Variants in SDK1 observed in about 807,000 individuals in gnomAD.
The protein encoded by SDK1 is sidekick cell adhesion molecule 1, also known as protein sidekick-1.
Under a neutral mutation model 245.5 loss-of-function variants are expected in SDK1, and 157 were observed. The ratio of observed to expected loss-of-function variants is 0.64; its 90% CI spans 0.56 to 0.73. The LOEUF is 0.73. SDK1 is among the 30% of genes least tolerant of loss of function. SDK1 has a pLI of 0.00. For synonymous variants in SDK1, 1,647 were observed against 1,278.5 expected (o/e 1.29, Z -6.15); for missense variants, 3,583 against 3,002.3 (o/e 1.19, Z -4.52).
In SDK1 at chr7:3,619,509, A is replaced by T. The variant is rs1781869105; in HGVS notation, c.458+270A>T. 1.3e-5 allele frequency among the ~76,000 whole-genome samples: 2 copies of T among 152,260 alleles called. 1 individual carries two copies. The highest frequency in any genetic ancestry group is 4.8e-5 in the African/African-American group (2 of 41,476). On this transcript the variant is annotated intron_variant, in intron 2 of 44. Transcript: ENST00000404826. ...CAACAAAAACCTATGGTTACAGAGCAATGCCAATAACAGCTTTGGTATGAT... is the reference window on the plus strand; with the variant it reads ...CAACAAAAACCTATGGTTACAGAGCTATGCCAATAACAGCTTTGGTATGAT...
chr7:4,010,711 G>A (rs1266588251), intron 14 of SDK1, among the ~76,000 whole-genome samples: 2 of 152,134 alleles, frequency 1.3e-5, no homozygotes, highest in Admixed American at 6.5e-5. Context: ...TTAAACCGCC[G>A]TATGCAGGTT....
At chr7:3,762,899 C>T (rs908617871) in intron 4 of SDK1, among the ~76,000 whole-genome samples, 2 of 152,108 alleles carry the variant, frequency 1.3e-5, no homozygotes, top group African/African-American at 4.8e-5. Context: ...GGTTTTTAGT[C>T]TTATGCTGAT....
intron 32 of SDK1, among the ~76,000 whole-genome samples, chr7:4,164,991 A>T (rs552273771): frequency 1.3e-5 from 2 of 152,242 alleles, no homozygotes; most frequent in African/African-American, 2.4e-5. Flanking sequence ...AAAAGAAACT[A>T]GGTTTAAATA....
intron 40 of SDK1, among the ~76,000 whole-genome samples, chr7:4,228,719 T>C (rs2128234610): frequency 6.6e-6 from 1 of 152,332 alleles, no homozygotes; most frequent in Non-Finnish European, 1.5e-5. Flanking sequence ...TTTGTATTTT[T>C]AGTAGAGACG....
At position 4,067,856 on chromosome 7, in the gene SDK1, A is replaced by T; in HGVS notation, c.2930A>T (p.His977Leu). Reference protein sequence around the residue: ...TQEDKPGAVGHLSFTEILDTS... With the variant: ...TQEDKPGAVGLLSFTEILDTS... ...TTGGTAGAACCAGGAGCTGTGGGACATCTGAGTTTCACAGAGATCTTGGAC... is the reference window on the plus strand; with the variant it reads ...TTGGTAGAACCAGGAGCTGTGGGACTTCTGAGTTTCACAGAGATCTTGGAC... The change falls in exon 20 of 45, where the codon CAT becomes CTT. Residue 977 changes from histidine (H) to leucine (L), a missense_variant. Physicochemically the swap from His to Leu is moderately conservative, Grantham distance 99. Transcript: ENST00000404826. 1 of 1,613,064 alleles carries T rather than the reference A, an allele frequency of 6.2e-7. No individual in the cohort carries two copies. The highest frequency in any genetic ancestry group is 8.5e-7 in the Non-Finnish European group (1 of 1,179,632).
chr7:3,570,473 G>A (rs1780076124), intron 1 of SDK1, among the ~76,000 whole-genome samples: 1 of 152,124 alleles, frequency 6.6e-6, no homozygotes, highest in Non-Finnish European at 1.5e-5. Flanking sequence ...CCCGTCCACA[G>A]CCCGGAGTTG....
chr7:4,043,187 T>C (rs868348310), intron 17 of SDK1, among the ~76,000 whole-genome samples: 25 of 147,330 alleles, frequency 1.7e-4, no homozygotes, highest in African/African-American at 4.3e-4. Context: ...GGAGCTCAAG[T>C]AGAGTGAGTG....
At chr7:4,130,383 G>C in intron 27 of SDK1, 1 of 433,052 alleles carries the variant, frequency 2.3e-6, no homozygotes, top group African/African-American at 2.1e-5. Context: ...GCGGGGCCGA[G>C]CTGTGGATGT....
rs1225045389 is a variant in SDK1, at chr7:3,821,568, C to A, written c.832C>A (p.His278Asn). The A allele has an allele frequency of 6.2e-7, 1 of 1,613,328 alleles. No homozygotes were observed. The highest frequency in any genetic ancestry group is 2.2e-5 in the East Asian group (1 of 44,836). ...NGENKTSPFIHLSIARDVGTP... is the reference protein window; with the variant it reads ...NGENKTSPFINLSIARDVGTP... ...AGAAAACAAGACAAGCCCATTCATT[C>A]ATTTGAGCATAGCAAGTGAGTTTTG... Residue 278 changes from histidine to asparagine, a missense_variant, in exon 5 of 45, where the codon CAT (histidine) becomes AAT (asparagine). By Grantham distance (68) the His-to-Asn change is moderately conservative (BLOSUM62 1). Coordinates refer to ENST00000404826, the MANE Select transcript of SDK1 (RefSeq NM_152744.4).
rs527539653 is a variant in SDK1, at chr7:3,411,959, G to A, written c.298+110075G>A. Among the ~76,000 whole-genome samples, 17 of 152,264 alleles carry A rather than the reference G, an allele frequency of 1.1e-4. No homozygotes were observed. In the South Asian group the frequency reaches 3.3e-3, roughly 30 times the overall value. ...GATTTCCAAACAGAATTAGCATGTA[G>A]AGGAGAAACGCACAAAGAAAAGGAG... On this transcript the variant is annotated intron_variant, in intron 1 of 44. Transcript: ENST00000404826.
At chr7:4,033,234 TTGAAA>T (rs1787962228) in intron 17 of SDK1, among the ~76,000 whole-genome samples, 2 of 151,776 alleles carry the variant, frequency 1.3e-5, no homozygotes, top group African/African-American at 4.9e-5. Flanking sequence ...ATAAGCATTA[TTGAAA>T]TAAGTGGATA....
chr7:3,760,509 C>T (rs191859356), intron 4 of SDK1, among the ~76,000 whole-genome samples: 7 of 152,252 alleles, frequency 4.6e-5, no homozygotes, highest in Admixed American at 1.3e-4. Flanking sequence ...TGTTCGGTCA[C>T]GTTTTTATGT....
intron 32 of SDK1, among the ~76,000 whole-genome samples, chr7:4,173,088 G>A (rs1274700917): frequency 6.6e-6 from 1 of 152,262 alleles, no homozygotes; most frequent in Non-Finnish European, 1.5e-5. Flanking sequence ...GCAGGATGGT[G>A]CTGCGGTGTG....
At chr7:3,355,746 C>G (rs1780776326) in intron 1 of SDK1, among the ~76,000 whole-genome samples, 1 of 152,136 alleles carries the variant, frequency 6.6e-6, no homozygotes, top group Non-Finnish European at 1.5e-5. Context: ...AGGAAATAGC[C>G]TCTAAACTCA....
At chr7:4,096,948 T>C (rs1346352659) in intron 22 of SDK1, among the ~76,000 whole-genome samples, 2 of 152,168 alleles carry the variant, frequency 1.3e-5, no homozygotes, top group African/African-American at 4.8e-5. Flanking sequence ...ACAGTGGCAG[T>C]GGAGAGTCAG....
rs1780851579 is a variant in SDK1, at chr7:3,951,784, T to C, written c.1014T>C (p.Ser338=). The stretch of plus-strand genomic sequence containing the variant: ...AGAGGAATGGAGTGAGAATCACCAG[T>C]GGCCTCCACAGCTTTGGAAGACGCC... The part of the protein sequence containing the change: ...TWKRNGVRIT[S]GLHSFGRRLT... Residue 338 remains serine (S), a synonymous_variant, in exon 7 of 45, where the codon AGT becomes AGC. Transcript: ENST00000404826. The C allele has an allele frequency of 3.1e-6, 5 of 1,613,740 alleles. No individual in the cohort carries two copies. The African/African-American group carries it at 4.0e-5, about 13-fold the overall frequency.
intron 28 of SDK1, among the ~76,000 whole-genome samples, chr7:4,139,475 G>GTATATGTGTGTGTA (rs1779342098): frequency 7.4e-6 from 1 of 135,118 alleles, no homozygotes; most frequent in Non-Finnish European, 1.5e-5. Context: ...ATATGTGTGT[G>GTATATGTGTGTGTA]TATATGTGTG....
At chr7:3,346,283 G>A (rs1309734139) in intron 1 of SDK1, among the ~76,000 whole-genome samples, 1 of 152,134 alleles carries the variant, frequency 6.6e-6, no homozygotes, top group Non-Finnish European at 1.5e-5. Context: ...TGGTTTCGGT[G>A]GGTGGGGACC....
chr7:3,942,676 T>TA, intron 5 of SDK1, among the ~76,000 whole-genome samples: 1 of 152,342 alleles, frequency 6.6e-6, no homozygotes, highest in Non-Finnish European at 1.5e-5. Flanking sequence ...GATGGTCCTG[T>TA]AGACCCCCTT....
Sources: allele counts gnomAD v4.1 joint callset (sites outside exome capture counted in the v4.1 genomes callset), GRCh38; gene constraint gnomAD v4.1.1; transcripts MANE v1.5; gene names NCBI Gene and HGNC (gene_info 2026-07-23, HGNC 2026-07-21).